Variants in ATP8B1 observed in about 807,000 individuals in gnomAD.
ATP8B1 encodes phospholipid-transporting ATPase IC.
Under a neutral mutation model 149.9 loss-of-function variants are expected in ATP8B1, and 80 were observed. That is an observed-to-expected ratio of 0.53 (90% CI 0.45 to 0.64). The LOEUF (loss-of-function observed/expected upper bound fraction) is 0.64, where lower values mean the gene tolerates loss of function less well. Ranked by LOEUF, ATP8B1 falls within the 30% of genes least tolerant of loss-of-function variation. The pLI, the probability that ATP8B1 is intolerant of heterozygous loss-of-function variation, is 0.00. For synonymous variants in ATP8B1, 536 were observed against 562.8 expected, an observed-to-expected ratio of 0.95 and a Z score of 0.67; for missense variants, 1,247 against 1,552.6, an observed-to-expected ratio of 0.80 and a Z score of 3.31.
intron 2 of ATP8B1, among the ~76,000 whole-genome samples, chr18:57,727,723 G>A (rs542004659): frequency 7.8e-4 from 118 of 152,252 alleles, no homozygotes; most frequent in Admixed American, 1.4e-3. Context: ...CAGGAGCGGG[G>A]TTGCAGTGAG....
chr18:57,769,058 T>C (rs927041589), intron 1 of ATP8B1, among the ~76,000 whole-genome samples: 1 of 152,162 alleles, frequency 6.6e-6, no homozygotes, highest in African/African-American at 2.4e-5. Context: ...ATCTTGATGG[T>C]GAGTGACAGG....
chr18:57,702,459 C>T (rs1278774193), intron 4 of ATP8B1, among the ~76,000 whole-genome samples: 2 of 152,170 alleles, frequency 1.3e-5, no homozygotes. Flanking sequence ...GAGGTCATGC[C>T]AGGCCTGACC....
intron 12 of ATP8B1, among the ~76,000 whole-genome samples, chr18:57,690,358 G>A (rs889530334): frequency 1.3e-5 from 2 of 152,212 alleles, no homozygotes; most frequent in Non-Finnish European, 2.9e-5. Flanking sequence ...GGGCCCTGGG[G>A]TTGGGTTTAT....
intron 6 of ATP8B1, among the ~76,000 whole-genome samples, chr18:57,698,728 G>A (rs1215833786): frequency 1.3e-5 from 2 of 152,166 alleles, no homozygotes; most frequent in Non-Finnish European, 2.9e-5. Flanking sequence ...ATGGTCAGTT[G>A]TCTGATGGAG....
intron 13 of ATP8B1, among the ~76,000 whole-genome samples, chr18:57,686,322 C>T (rs902095943): frequency 2.6e-5 from 4 of 151,964 alleles, no homozygotes; most frequent in Non-Finnish European, 5.9e-5. Flanking sequence ...ATAAAATTTA[C>T]CATATTAACC....
chr18:57,664,785 A>G (rs1471213139), intron 20 of ATP8B1, among the ~76,000 whole-genome samples: 1 of 152,214 alleles, frequency 6.6e-6, no homozygotes, highest in Non-Finnish European at 1.5e-5. Flanking sequence ...AAGGAAATCA[A>G]GCCAGAGGAA....
intron 13 of ATP8B1, 111 bp from the exon 14 acceptor site, chr18:57,685,226 C>T: frequency 8.6e-7 from 1 of 1,157,418 alleles, no homozygotes; most frequent in Non-Finnish European, 1.3e-6. Flanking sequence ...ACGGCCTGGA[C>T]AGGCTAAAAT....
At position 57,763,410 on chromosome 18, in the gene ATP8B1, T is replaced by C. The variant is rs546315723; in HGVS notation, c.-25-31578A>G. On this transcript the variant is annotated intron_variant, in intron 1 of 27. Transcript: ENST00000648908. ...CCCATCTCAAAAGAAAAAAAAAAAA[T>C]TGTACTCTAAAGATAGAGCTCTGTT... 8.8e-4 allele frequency among the ~76,000 whole-genome samples: 134 copies of C among 151,760 alleles called. 1 individual carries two copies. Among genetic ancestry groups the C allele is most frequent in the African/African-American group, 3.1e-3 (128 of 41,394 alleles).
chr18:57,747,336 C>T (rs1283047438), intron 1 of ATP8B1, among the ~76,000 whole-genome samples: 1 of 152,074 alleles, frequency 6.6e-6, no homozygotes, highest in African/African-American at 2.4e-5. Context: ...ACCTGCAATC[C>T]CAGCTACTTG....
Position 57,691,932 on chromosome 18 carries a change from C to G in ATP8B1, c.1095G>C (p.Gln365His). The change falls in exon 12 of 28, where the codon CAG becomes CAC. Residue 365 changes from glutamine (Q) to histidine (H), a missense_variant. By Grantham distance (24) the Gln-to-His change is conservative. Transcript: ENST00000648908. Reference sequence around the variant, plus strand: ...AGAGGTACCAAGAGGAATTGCCCACCTGTGCTTCCCAATAAGCATGGCCGA... The same window carrying G: ...AGAGGTACCAAGAGGAATTGCCCACGTGTGCTTCCCAATAAGCATGGCCGA... ...LAIGHAYWEA[Q>H]VGNSSWYLYD... The G allele has an allele frequency of 6.2e-7, 1 of 1,614,136 alleles. No homozygotes were observed. The highest frequency in any genetic ancestry group is 8.5e-7 in the Non-Finnish European group (1 of 1,180,032).
Position 57,688,327 on chromosome 18 carries a change from T to G in ATP8B1, c.1401A>C (p.Lys467Asn). 6.2e-7 allele frequency: 1 copy of G among 1,614,134 alleles called. No individual in the cohort carries two copies. The highest frequency in any genetic ancestry group is 8.5e-7 in the Non-Finnish European group (1 of 1,180,020). The change falls in exon 13 of 28, where the codon AAA (lysine) becomes AAC (asparagine). Residue 467 changes from lysine to asparagine, a missense_variant. Coordinates refer to ENST00000648908, the MANE Select transcript of ATP8B1 (RefSeq NM_001374385.1). Reference protein sequence around the residue: ...GTLTQNIMTFKKCCINGQIYG... With the variant: ...GTLTQNIMTFNKCCINGQIYG... ...ATATCTGCCCGTTGATACAGCACTT[T>G]TTAAAGGTCATGATATTTTGTGTGA...
intron 1 of ATP8B1, chr18:57,732,155 A>ATATATATGTATATATGTGTATATGTG (rs2079778110): frequency 2.3e-5 from 1 of 43,640 alleles, no homozygotes; most frequent in African/African-American, 8.4e-5. Flanking sequence ...GTATATATGT[A>ATATATATGTATATATGTGTATATGTG]TATATATGTA....
At chr18:57,801,290 C>T (rs558399621) in intron 1 of ATP8B1, among the ~76,000 whole-genome samples, 1 of 152,276 alleles carries the variant, frequency 6.6e-6, no homozygotes, top group East Asian at 1.9e-4. Context: ...GACGAATGAA[C>T]AAAGTGGTTA....
At chr18:57,736,883 C>T (rs9676158) in intron 1 of ATP8B1, among the ~76,000 whole-genome samples, 18,712 of 151,970 alleles carry the variant, frequency 0.12, 1,810 homozygotes, top group African/African-American at 0.26. Context: ...CTGTTTTTAG[C>T]CCATATTATG....
chr18:57,696,559 A>G (rs1166204962), intron 8 of ATP8B1, among the ~76,000 whole-genome samples: 4 of 151,946 alleles, frequency 2.6e-5, no homozygotes, highest in African/African-American at 7.3e-5. Flanking sequence ...AAAAAAAAAA[A>G]AAAGTGTGAT....
chr18:57,799,485 G>T (rs2080551254), intron 1 of ATP8B1, among the ~76,000 whole-genome samples: 1 of 152,128 alleles, frequency 6.6e-6, no homozygotes, highest in African/African-American at 2.4e-5. Context: ...CCACTTTGGT[G>T]GATTGCTTGA....
chr18:57,758,179 T>G (rs2080104189), intron 1 of ATP8B1, among the ~76,000 whole-genome samples: 1 of 152,138 alleles, frequency 6.6e-6, no homozygotes, highest in South Asian at 2.1e-4. Context: ...TTTAAATTTA[T>G]TTTTGAATAT....
intron 2 of ATP8B1, among the ~76,000 whole-genome samples, chr18:57,713,230 TC>T (rs1913806519): frequency 7.4e-6 from 1 of 134,268 alleles, no homozygotes; most frequent in Admixed American, 7.7e-5. Flanking sequence ...CTTCCTTCCT[TC>T]CTTCCTTCCT....
At chr18:57,724,411 ACAAAC>A (rs2079682908) in intron 2 of ATP8B1, among the ~76,000 whole-genome samples, 1 of 97,132 alleles carries the variant, frequency 1.0e-5, no homozygotes, top group African/African-American at 3.4e-5. Context: ...CAAGAAAAAA[ACAAAC>A]AACCCCATCA....
Sources: gnomAD v4.1 joint callset for allele counts (sites outside exome capture counted in the v4.1 genomes callset) on GRCh38, gnomAD v4.1.1 for gene constraint, MANE v1.5 for transcripts, NCBI Gene and HGNC (gene_info 2026-07-23, HGNC 2026-07-21) for gene names.